The following EML4 variants were observed in gnomAD, a reference collection of about 807,000 sequenced individuals.
EML4 encodes echinoderm microtubule-associated protein-like 4.
Under a neutral mutation model 129.0 loss-of-function variants are expected in EML4, and 72 were observed. The observed-to-expected ratio is 0.56, with a 90% CI of 0.46 to 0.68. The LOEUF is 0.68. Among genes scored for constraint, EML4 ranks in the 30% least tolerant of loss-of-function variants. The pLI, the probability that EML4 is intolerant of heterozygous loss-of-function variation, is 0.00. For synonymous variants in EML4, 532 were observed against 405.0 expected (o/e 1.31, Z -3.77); for missense variants, 1,363 against 1,190.6 (o/e 1.14, Z -2.13).
intron 1 of EML4, among the ~76,000 whole-genome samples, chr2:42,207,168 C>G (rs928375732): frequency 6.6e-5 from 10 of 151,982 alleles, no homozygotes; most frequent in Non-Finnish European, 1.3e-4. Context: ...TGTATAACAC[C>G]TCCTCTATTT....
chr2:42,207,977 G>A (rs1277111586), intron 1 of EML4: 3 of 152,192 alleles, frequency 2.0e-5, no homozygotes, highest in African/African-American at 7.2e-5. Context: ...TTGGATATGA[G>A]TATGCTACAG....
At chr2:42,266,707 G>T (rs1464807095) in intron 6 of EML4, among the ~76,000 whole-genome samples, 1 of 151,898 alleles carries the variant, frequency 6.6e-6, no homozygotes, top group African/African-American at 2.4e-5. Context: ...GCAGTGAATG[G>T]GGAATAACTG....
chr2:42,184,531 C>T (rs1572842556), intron 1 of EML4, among the ~76,000 whole-genome samples: 2 of 152,204 alleles, frequency 1.3e-5, no homozygotes, highest in East Asian at 1.9e-4. Context: ...CCTACCTTTC[C>T]AGCTTCACCC....
At position 42,264,699 on chromosome 2, in the gene EML4, T is replaced by C. The variant is rs749982395; in HGVS notation, c.642-7T>C. 1 of 1,400,246 alleles carries C rather than the reference T, an allele frequency of 7.1e-7. No individual in the cohort carries two copies. 86.7% of individuals were successfully genotyped at this position (1,400,246 alleles called of 1,614,324 possible). A position where few individuals can be genotyped will look rare whatever the true frequency, so the allele number is the denominator to read the frequency against. ...AAATAAATGTGTTTCTTAAATTTCT[T>C]TTCTAGGCATAAAGATGTCATCATC... On this transcript the variant is annotated splice_polypyrimidine_tract_variant and splice_region_variant and intron_variant, in intron 5 of 22. Coordinates refer to ENST00000318522, the MANE Select transcript of EML4 (RefSeq NM_019063.5).
At chr2:42,329,614 T>C in intron 22 of EML4, 120 bp from the exon 23 acceptor site, 1 of 736,932 alleles carries the variant, frequency 1.4e-6, no homozygotes, top group Non-Finnish European at 2.3e-6. Flanking sequence ...CTTCTGGCTT[T>C]AAATTGGATT....
At position 42,329,793 on chromosome 2, in the gene EML4, C is replaced by T. The variant is rs750588470; in HGVS notation, c.2532C>T (p.His844=). 1.9e-6 allele frequency: 3 copies of T among 1,614,142 alleles called. No individual in the cohort carries two copies. Among genetic ancestry groups the T allele is most frequent in the Non-Finnish European group, 2.5e-6 (3 of 1,180,012 alleles). Residue 844 remains histidine, a synonymous_variant, in exon 23 of 23, where the codon CAC becomes CAT. Coordinates refer to ENST00000318522, the MANE Select transcript of EML4 (RefSeq NM_019063.5). The stretch of plus-strand genomic sequence containing the variant: ...ATGTCACCAATGTCAGTTTTACTCA[C>T]AATGACAGTCACCTGATATCAACTG... The part of the protein sequence containing the change: ...SSHVTNVSFT[H]NDSHLISTGG...
At chr2:42,214,883 T>TA (rs1455786987) in intron 1 of EML4, among the ~76,000 whole-genome samples, 2 of 152,144 alleles carry the variant, frequency 1.3e-5, no homozygotes, top group African/African-American at 4.8e-5. Context: ...CTGCAAGACT[T>TA]ATTCATATCT....
At chr2:42,251,240 G>A (rs1477024430) in intron 2 of EML4, among the ~76,000 whole-genome samples, 6 of 152,156 alleles carry the variant, frequency 3.9e-5, no homozygotes, top group Admixed American at 3.9e-4. Flanking sequence ...GTAAGTATAT[G>A]TATATCTAAC....
At chr2:42,206,317 G>T (rs191360169) in intron 1 of EML4, among the ~76,000 whole-genome samples, 17 of 152,266 alleles carry the variant, frequency 1.1e-4, no homozygotes. Flanking sequence ...GGGCTCAAGT[G>T]ATCCTCCCAC....
intron 1 of EML4, among the ~76,000 whole-genome samples, chr2:42,170,646 A>C (rs1243351999): frequency 6.6e-6 from 1 of 152,284 alleles, no homozygotes; most frequent in Non-Finnish European, 1.5e-5. Flanking sequence ...TAAAAGATTA[A>C]GTTCAACTGT....
intron 20 of EML4, 47 bp from the exon 21 acceptor site, chr2:42,326,102 ATACAT>A: frequency 6.3e-7 from 1 of 1,597,484 alleles, no homozygotes; most frequent in Non-Finnish European, 8.5e-7. Flanking sequence ...GCACTTTCAA[ATACAT>A]TTGTACACAA....
intron 8 of EML4, 150 bp downstream of exon 8, chr2:42,283,122 A>G (rs1465194858): frequency 1.3e-6 from 1 of 782,090 alleles, no homozygotes. Context: ...TTTAAAAAGA[A>G]AAAAAGGACT....
chr2:42,293,821 G>C (rs1326823124), intron 11 of EML4, among the ~76,000 whole-genome samples: 2 of 152,106 alleles, frequency 1.3e-5, no homozygotes, highest in East Asian at 3.9e-4. Context: ...ATCTTGGCCA[G>C]GCTGATCTTG....
intron 1 of EML4, among the ~76,000 whole-genome samples, chr2:42,184,268 T>C (rs901295291): frequency 3.9e-5 from 6 of 152,272 alleles, no homozygotes; most frequent in Non-Finnish European, 7.4e-5. Context: ...AGTTTTAGGG[T>C]ACATGTGCAC....
intron 19 of EML4, chr2:42,320,110 T>C (rs1669443410): frequency 6.6e-6 from 1 of 152,188 alleles, no homozygotes; most frequent in African/African-American, 2.4e-5. Flanking sequence ...GAAACAGCAC[T>C]TCTTGGTAGA....
In EML4 at chr2:42,279,002, C is replaced by G. The variant is rs1432978798; in HGVS notation, c.668-1848C>G. 2.6e-5 allele frequency among the ~76,000 whole-genome samples: 4 copies of G among 151,940 alleles called. No individual in the cohort carries two copies. The East Asian group carries it at 7.7e-4, about 29-fold the overall frequency. The stretch of plus-strand genomic sequence containing the variant: ...TTTTAACGTTTTAGTTTTAGACTGT[C>G]GCAGATCTTATAAACACCTATTGGT... On this transcript the variant is annotated intron_variant, in intron 6 of 22. Coordinates refer to ENST00000318522, the MANE Select transcript of EML4 (RefSeq NM_019063.5).
chr2:42,321,240 G>T (rs960158975), intron 19 of EML4, among the ~76,000 whole-genome samples: 1 of 151,916 alleles, frequency 6.6e-6, no homozygotes, highest in South Asian at 2.1e-4. Flanking sequence ...AAAATTAGCC[G>T]GGCGTGGTGG....
intron 2 of EML4, among the ~76,000 whole-genome samples, chr2:42,254,815 G>A (rs150736688): frequency 1.4e-4 from 22 of 152,018 alleles, no homozygotes; most frequent in Non-Finnish European, 2.9e-4. Flanking sequence ...AAAACAGGTG[G>A]TTATATGAAA....
chr2:42,244,457 C>T (rs1675255138), intron 1 of EML4, among the ~76,000 whole-genome samples: 1 of 152,162 alleles, frequency 6.6e-6, no homozygotes, highest in African/African-American at 2.4e-5. Context: ...GTAGTATAGT[C>T]TAAAGTTACA....
Sources: allele counts gnomAD v4.1 joint callset (sites outside exome capture counted in the v4.1 genomes callset), GRCh38; gene constraint gnomAD v4.1.1; transcripts MANE v1.5; gene names NCBI Gene and HGNC (gene_info 2026-07-23, HGNC 2026-07-21).